Variants in PCDHGA12 observed in about 807,000 individuals in gnomAD.
The protein encoded by PCDHGA12 is protocadherin gamma-A12.
Under a neutral mutation model 61.1 loss-of-function variants are expected in PCDHGA12, and 43 were observed. The ratio of observed to expected loss-of-function variants is 0.70; its 90% CI spans 0.55 to 0.91. The LOEUF (loss-of-function observed/expected upper bound fraction) is 0.91. Among genes scored for constraint, PCDHGA12 ranks in the 40% least tolerant of loss-of-function variants. The pLI is 0.00. For missense variants in PCDHGA12, 1,236 were observed against 1,227.7 expected, an observed-to-expected ratio of 1.01 and a Z score of -0.10; for synonymous variants, 520 against 542.9, an observed-to-expected ratio of 0.96 and a Z score of 0.59.
intron 1 of PCDHGA12, among the ~76,000 whole-genome samples, chr5:141,448,706 C>T (rs1344013319): frequency 1.3e-5 from 2 of 151,730 alleles, no homozygotes; most frequent in African/African-American, 2.4e-5. Flanking sequence ...TTTGGGAGGC[C>T]GAGGCGGGAG....
At chr5:141,466,510 AT>A (rs1222513096) in intron 1 of PCDHGA12, among the ~76,000 whole-genome samples, 1 of 151,938 alleles carries the variant, frequency 6.6e-6, no homozygotes, top group Non-Finnish European at 1.5e-5. Context: ...AGACAAGATC[AT>A]TTTTTTTCCT....
Position 141,478,910 on chromosome 5 carries a change from A to G in PCDHGA12, c.2425-15897A>G, listed in dbSNP as rs568573298. On this transcript the variant is annotated intron_variant, in intron 1 of 3. Transcript: ENST00000252085. ...ATTTACATTAGGAATAAGCTGCTGG[A>G]TACCTCTAACCAGTGGCAGCTTCTA... 5.3e-4 allele frequency: 474 copies of G among 893,806 alleles called. 7 individuals are homozygous for G. The South Asian group carries it at 6.8e-3, about 13-fold the overall frequency. 55.4% of individuals were successfully genotyped at this position (893,806 alleles called of 1,614,324 possible).
intron 1 of PCDHGA12, among the ~76,000 whole-genome samples, chr5:141,455,291 A>G (rs1212745731): frequency 6.6e-6 from 1 of 152,072 alleles, no homozygotes; most frequent in Non-Finnish European, 1.5e-5. Flanking sequence ...CACTTTACAT[A>G]GTTTCATCTT....
chr5:141,449,424 T>C (rs2098638345), intron 1 of PCDHGA12, among the ~76,000 whole-genome samples: 1 of 151,674 alleles, frequency 6.6e-6, no homozygotes, highest in Admixed American at 6.6e-5. Context: ...CTGGCCAACA[T>C]GATAAAACTC....
Position 141,476,962 on chromosome 5 carries a change from C to T in PCDHGA12, c.2425-17845C>T. The stretch of plus-strand genomic sequence containing the variant: ...GCCCCAACGGTGAAATTATTTACTC[C>T]TTCGGCAGCCACAACCGCGCCGGCG... On this transcript the variant is annotated intron_variant, in intron 1 of 3. Coordinates refer to ENST00000252085, the MANE Select transcript of PCDHGA12 (RefSeq NM_003735.3). The surrounding 1 kb of genome is among the most constrained non-coding windows in gnomAD (Gnocchi z 7.6). 6.2e-7 allele frequency: 1 copy of T among 1,614,200 alleles called. No homozygotes were observed. Among genetic ancestry groups the T allele is most frequent in the South Asian group, 1.1e-5 (1 of 91,090 alleles).
intron 2 of PCDHGA12, among the ~76,000 whole-genome samples, chr5:141,503,940 C>G (rs890249753): frequency 6.6e-6 from 1 of 152,218 alleles, no homozygotes; most frequent in Non-Finnish European, 1.5e-5. Flanking sequence ...TTCATGCCTT[C>G]AAGGCCTACC....
intron 2 of PCDHGA12, among the ~76,000 whole-genome samples, chr5:141,503,598 C>CAA (rs765754054): frequency 1.5e-4 from 10 of 65,698 alleles, no homozygotes; most frequent in African/African-American, 2.3e-4. Context: ...GACTCCAGCT[C>CAA]AAAAAAAAAA....
At chr5:141,442,445 T>A (rs2098325574) in intron 1 of PCDHGA12, 1 of 152,198 alleles carries the variant, frequency 6.6e-6, no homozygotes, top group South Asian at 2.1e-4. Flanking sequence ...CCCTCAGGAC[T>A]CAATAGCAGT....
intron 1 of PCDHGA12, among the ~76,000 whole-genome samples, chr5:141,457,029 C>G (rs2098904194): frequency 6.6e-6 from 1 of 152,170 alleles, no homozygotes; most frequent in Non-Finnish European, 1.5e-5. Flanking sequence ...TCCTAGTAGA[C>G]TCAGTGATAG....
chr5:141,443,999 T>C (rs2098413024), intron 1 of PCDHGA12, among the ~76,000 whole-genome samples: 1 of 152,136 alleles, frequency 6.6e-6, no homozygotes, highest in Non-Finnish European at 1.5e-5. Context: ...TTTTAAATGC[T>C]ACCTGGGTAT....
intron 1 of PCDHGA12, among the ~76,000 whole-genome samples, chr5:141,433,940 T>C (rs1315031506): frequency 6.6e-6 from 1 of 152,192 alleles, no homozygotes; most frequent in African/African-American, 2.4e-5. Flanking sequence ...TATAATTCCA[T>C]TGTTTCTTCT....
At chr5:141,502,406 T>G (rs1390520101) in intron 2 of PCDHGA12, among the ~76,000 whole-genome samples, 1 of 152,072 alleles carries the variant, frequency 6.6e-6, no homozygotes, top group African/African-American at 2.4e-5. Context: ...TCCCCGAACC[T>G]GGATTTGCTG....
chr5:141,458,949 T>A (rs948180008), intron 1 of PCDHGA12, among the ~76,000 whole-genome samples: 1 of 151,814 alleles, frequency 6.6e-6, no homozygotes, highest in East Asian at 1.9e-4. Flanking sequence ...CTTAGGTTGG[T>A]CACAAATTCA....
At chr5:141,497,203 G>C (rs750138875) in intron 2 of PCDHGA12, among the ~76,000 whole-genome samples, 3 of 91,718 alleles carry the variant, frequency 3.3e-5, no homozygotes, top group African/African-American at 2.8e-4. Flanking sequence ...AACAATGTGA[G>C]TGTAATGGGG....
rs1004061582 is a variant in PCDHGA12, at chr5:141,477,406, A to C, written c.2425-17401A>C. ...AATACAACCTCAGCATCACCGCCCG[A>C]GACGCCGGAACCCCTTCCCTCTCAG... On this transcript the variant is annotated intron_variant, in intron 1 of 3. Transcript: ENST00000252085. The surrounding 1 kb of genome is among the most constrained non-coding windows in gnomAD (Gnocchi z 4.9). 6.2e-7 allele frequency: 1 copy of C among 1,614,036 alleles called. No homozygotes were observed. Among genetic ancestry groups the C allele is most frequent in the Admixed American group, 1.7e-5 (1 of 59,994 alleles).
chr5:141,436,859 A>G (rs550974791), intron 1 of PCDHGA12, among the ~76,000 whole-genome samples: 7 of 152,250 alleles, frequency 4.6e-5, no homozygotes, highest in Non-Finnish European at 1.0e-4. Flanking sequence ...TTGAGAAGCC[A>G]CAGTTTTAGG....
In PCDHGA12 at chr5:141,477,380, G is replaced by C; in HGVS notation, c.2425-17427G>C. The C allele has an allele frequency of 6.2e-7, 1 of 1,614,116 alleles. No homozygotes were observed. The highest frequency in any genetic ancestry group is 8.5e-7 in the Non-Finnish European group (1 of 1,180,028). On this transcript the variant is annotated intron_variant, in intron 1 of 3. Transcript: ENST00000252085. The surrounding 1 kb of genome is among the most constrained non-coding windows in gnomAD (Gnocchi z 4.9). ...AGACCTGGATCGGGAGACTGTGCCA[G>C]AATACAACCTCAGCATCACCGCCCG...
At chr5:141,488,762 C>T (rs1470160100) in intron 1 of PCDHGA12, among the ~76,000 whole-genome samples, 1 of 152,142 alleles carries the variant, frequency 6.6e-6, no homozygotes, top group Non-Finnish European at 1.5e-5. Context: ...TGGGACAGAA[C>T]GCTGAGGAGT....
chr5:141,454,232 G>T (rs2098784520), intron 1 of PCDHGA12, among the ~76,000 whole-genome samples: 1 of 152,146 alleles, frequency 6.6e-6, no homozygotes, highest in African/African-American at 2.4e-5. Context: ...TAATTGTGAT[G>T]AAAAGGATGA....
Sources: gnomAD v4.1 joint callset for allele counts (sites outside exome capture counted in the v4.1 genomes callset) on GRCh38, gnomAD v4.1.1 for gene constraint, Gnocchi (gnomAD v3.1) non-coding constraint, MANE v1.5 for transcripts, NCBI Gene and HGNC (gene_info 2026-07-23, HGNC 2026-07-21) for gene names.